Variants in C1orf94 observed in about 807,000 individuals in gnomAD.
C1orf94 encodes chromosome 1 open reading frame 94.
Under a neutral mutation model 53.6 loss-of-function variants are expected in C1orf94, and 45 were observed. That is an observed-to-expected ratio of 0.84 (90% CI 0.66 to 1.08). The LOEUF (loss-of-function observed/expected upper bound fraction) is 1.08, where lower values mean the gene tolerates loss of function less well. Ranked by LOEUF, C1orf94 falls within the 50% of genes least tolerant of loss-of-function variation. The pLI is 0.00. For synonymous variants in C1orf94, 304 were observed against 296.1 expected (o/e 1.03, Z -0.27); for missense variants, 762 against 738.9 (o/e 1.03, Z -0.36).
At chr1:34,215,771 C>T (rs773982692) in intron 6 of C1orf94, among the ~76,000 whole-genome samples, 2 of 152,204 alleles carry the variant, frequency 1.3e-5, no homozygotes, top group South Asian at 2.1e-4. Context: ...TTTCGGAGAC[C>T]GAGGTGGGTG....
chr1:34,186,440 A>T (rs1454936141), intron 1 of C1orf94, among the ~76,000 whole-genome samples: 1 of 152,234 alleles, frequency 6.6e-6, no homozygotes, highest in African/African-American at 2.4e-5. Flanking sequence ...GACATGATTG[A>T]TATGGGACAA....
chr1:34,167,814 G>A (rs1296647459), intron 1 of C1orf94, among the ~76,000 whole-genome samples: 2 of 152,100 alleles, frequency 1.3e-5, no homozygotes, highest in Non-Finnish European at 2.9e-5. Flanking sequence ...CCTGGACTTG[G>A]GGGATCAGAA....
intron 6 of C1orf94, among the ~76,000 whole-genome samples, chr1:34,212,949 G>C (rs2148623338): frequency 6.6e-6 from 1 of 152,350 alleles, no homozygotes; most frequent in Admixed American, 6.5e-5. Flanking sequence ...TCCTGGGACA[G>C]TCTGAAGGCT....
intron 3 of C1orf94, among the ~76,000 whole-genome samples, chr1:34,201,334 A>T (rs2219799): frequency 0.29 from 43,419 of 151,978 alleles, 6,760 homozygotes; most frequent in African/African-American, 0.41. Flanking sequence ...AAAACAAAAG[A>T]TCCTTGCTTT....
rs1362560128 is a variant in C1orf94, at chr1:34,197,692, C to A, written c.788C>A (p.Thr263Lys). 3 of 1,614,158 alleles carry A rather than the reference C, an allele frequency of 1.9e-6. No homozygotes were observed. Among genetic ancestry groups the A allele is most frequent in the Middle Eastern group, 1.6e-4 (1 of 6,062 alleles). ...VPDNKNVLDKTRVTKDFLQDN... is the reference protein window; with the variant it reads ...VPDNKNVLDKKRVTKDFLQDN... ...GACAACAAGAATGTGCTGGACAAGA[C>A]AAGGGTCACCAAGGACTTCCTACAG... The change falls in exon 2 of 7, where the codon ACA becomes AAA. Residue 263 changes from threonine to lysine, a missense_variant. Coordinates refer to ENST00000488417, the MANE Select transcript of C1orf94 (RefSeq NM_001134734.2). This position sits in a 1 kb window ranked among gnomAD's most constrained non-coding sequence, Gnocchi z 4.1.
At chr1:34,182,533 C>T (rs1031157599) in intron 1 of C1orf94, among the ~76,000 whole-genome samples, 1 of 152,006 alleles carries the variant, frequency 6.6e-6, no homozygotes, top group African/African-American at 2.4e-5. Flanking sequence ...TGTCAGAGTC[C>T]AGGGGAGGCC....
chr1:34,186,587 A>T (rs868734006), intron 1 of C1orf94, among the ~76,000 whole-genome samples: 1 of 152,242 alleles, frequency 6.6e-6, no homozygotes, highest in Non-Finnish European at 1.5e-5. Context: ...TTGTCTTCTA[A>T]GAGAAAGCAG....
intron 1 of C1orf94, among the ~76,000 whole-genome samples, chr1:34,187,659 G>C (rs1642403587): frequency 6.7e-6 from 1 of 150,288 alleles, no homozygotes; most frequent in Admixed American, 6.7e-5. Context: ...AAGTTTTAAA[G>C]ACAATTTGAA....
At chr1:34,187,585 AT>A (rs1481927992) in intron 1 of C1orf94, among the ~76,000 whole-genome samples, 3 of 151,444 alleles carry the variant, frequency 2.0e-5, no homozygotes, top group Non-Finnish European at 4.4e-5. Context: ...CCCAAGTCAC[AT>A]TAAAAAAAAA....
At chr1:34,209,338 G>A (rs899599135) in intron 5 of C1orf94, among the ~76,000 whole-genome samples, 3 of 136,780 alleles carry the variant, frequency 2.2e-5, no homozygotes, top group African/African-American at 9.2e-5. Context: ...AGAAACACAG[G>A]TATAGTTGTA....
upstream of C1orf94, among the ~76,000 whole-genome samples, chr1:34,175,198 T>A (rs964562184): frequency 2.2e-3 from 330 of 151,358 alleles, 3 homozygotes; most frequent in African/African-American, 7.4e-3. Context: ...TGATTTTTTT[T>A]TTTTTTTTTT....
At chr1:34,195,759 C>T (rs1342775947) in intron 1 of C1orf94, among the ~76,000 whole-genome samples, 1 of 150,018 alleles carries the variant, frequency 6.7e-6, no homozygotes, top group Admixed American at 6.7e-5. Context: ...GAATTGTGTG[C>T]CTGCCTGTTT....
At chr1:34,179,010 G>A (rs1196056339) in intron 1 of C1orf94, among the ~76,000 whole-genome samples, 1 of 152,210 alleles carries the variant, frequency 6.6e-6, no homozygotes, top group Non-Finnish European at 1.5e-5. Context: ...ATAATTAAGT[G>A]TTGCCTGCTC....
Position 34,207,013 on chromosome 1 carries a change from T to C in C1orf94, c.1447-1144T>C, listed in dbSNP as rs552408086. On this transcript the variant is annotated intron_variant, in intron 4 of 6. Transcript: ENST00000488417. ...GGGAGACCTACTTGCAGACTCCATA[T>C]CAGAAAGTCCACAGGCCATGAGGGA... Among the ~76,000 whole-genome samples the C allele has an allele frequency of 2.6e-5, 4 of 152,100 alleles. No individual in the cohort carries two copies. The East Asian group carries it at 7.8e-4, about 30-fold the overall frequency.
chr1:34,208,379 T>C, intron 5 of C1orf94, 145 bp downstream of exon 5: 1 of 781,204 alleles, frequency 1.3e-6, no homozygotes, highest in Non-Finnish European at 2.1e-6. Context: ...CATACCGGCA[T>C]GCGTGTGGAA....
intron 5 of C1orf94, among the ~76,000 whole-genome samples, chr1:34,208,672 C>T (rs188647054): frequency 1.4e-4 from 21 of 152,282 alleles, no homozygotes; most frequent in East Asian, 9.7e-4. Context: ...ATTTCTTGCT[C>T]GGGTCTATGG....
chr1:34,201,524 A>T (rs1013562323), intron 3 of C1orf94, among the ~76,000 whole-genome samples: 1 of 152,150 alleles, frequency 6.6e-6, no homozygotes, highest in African/African-American at 2.4e-5. Context: ...AAACAACTCA[A>T]CCTAACTTCA....
Position 34,177,921 on chromosome 1 carries a change from G to C in C1orf94, c.132G>C (p.Leu44=). 6.4e-7 allele frequency: 1 copy of C among 1,551,682 alleles called. No homozygotes were observed. Among genetic ancestry groups the C allele is most frequent in the Non-Finnish European group, 8.7e-7 (1 of 1,146,990 alleles). Residue 44 remains leucine, a synonymous_variant, in exon 1 of 7, where the codon CTG becomes CTC. Transcript: ENST00000488417. ...TGGTGGCCAAGGGCCCCTGCGCCCT[G>C]GGCCCATTCCCCAGATACATCTGGA... The part of the protein sequence containing the change: ...SALVAKGPCA[L]GPFPRYIWIH...
chr1:34,197,691 AC>A lies in C1orf94; in HGVS notation c.788del (p.Thr263LysfsTer24). 1 of 1,614,140 alleles carries A rather than the reference AC, an allele frequency of 6.2e-7. No individual in the cohort carries two copies. The highest frequency in any genetic ancestry group is 8.5e-7 in the Non-Finnish European group (1 of 1,180,032). On this transcript the variant is annotated frameshift_variant, in exon 2 of 7. Transcript: ENST00000488417. LOFTEE classifies it high-confidence loss of function. The surrounding 1 kb of genome is among the most constrained non-coding windows in gnomAD (Gnocchi z 4.1). Reference sequence around the variant, plus strand: ...TGACAACAAGAATGTGCTGGACAAGACAAGGGTCACCAAGGACTTCCTACAG... The same window carrying A: ...TGACAACAAGAATGTGCTGGACAAGAAAGGGTCACCAAGGACTTCCTACAG... ...VPDNKNVLDK[T>X]RVTKDFLQDN... is the part of the protein sequence containing the mutation.
Sources: gnomAD v4.1 joint callset for allele counts (sites outside exome capture counted in the v4.1 genomes callset) on GRCh38, gnomAD v4.1.1 for gene constraint, Gnocchi (gnomAD v3.1) non-coding constraint, MANE v1.5 for transcripts, NCBI Gene and HGNC (gene_info 2026-07-23, HGNC 2026-07-21) for gene names.